The following MCF2L variants were observed in gnomAD, a reference collection of about 807,000 sequenced individuals.
MCF2L encodes the protein guanine nucleotide exchange factor DBS.
MCF2L carries 97 observed loss-of-function variants against 153.4 expected under a neutral mutation model. The ratio of observed to expected loss-of-function variants is 0.63; its 90% CI spans 0.54 to 0.75. The LOEUF is 0.75. MCF2L is among the 30% of genes least tolerant of loss of function. MCF2L has a pLI of 0.00. For missense variants in MCF2L, 1,347 were observed against 1,495.2 expected, an observed-to-expected ratio of 0.90 and a Z score of 1.64; for synonymous variants, 659 against 632.2, an observed-to-expected ratio of 1.04 and a Z score of -0.64.
intron 1 of MCF2L, chr13:112,979,886 T>C: frequency 1.3e-6 from 1 of 789,884 alleles, no homozygotes; most frequent in Non-Finnish European, 2.0e-6. Flanking sequence ...CCTGTGCAGC[T>C]CGGAGACTTC....
chr13:112,917,903 C>T (rs917222908), intron 2 of MCF2L, among the ~76,000 whole-genome samples: 9 of 152,218 alleles, frequency 5.9e-5, no homozygotes, highest in African/African-American at 2.2e-4. Context: ...TGCTCCAGGC[C>T]GGCTTGCGTC....
intron 2 of MCF2L, among the ~76,000 whole-genome samples, chr13:112,922,440 A>C (rs2081362036): frequency 6.6e-6 from 1 of 152,194 alleles, no homozygotes; most frequent in African/African-American, 2.4e-5. Context: ...CAAACCTGGC[A>C]ACATAGTACT....
At chr13:113,095,112 T>C in intron 27 of MCF2L, 2 of 1,347,228 alleles carry the variant, frequency 1.5e-6, no homozygotes, top group Non-Finnish European at 2.0e-6. Flanking sequence ...TGTAAGAAAA[T>C]GGAACTGCTA....
Position 113,074,429 on chromosome 13 carries a change from C to A in MCF2L, c.997-15C>A. ...AGGGAGACACCCCCCTGAGATGGGC[C>A]CTCCTCTGTTCCAGGTCAAAGCCAT... On this transcript the variant is annotated splice_polypyrimidine_tract_variant and intron_variant, in intron 9 of 29. Coordinates refer to ENST00000535094, the MANE Select transcript of MCF2L (RefSeq NM_001112732.3). The surrounding 1 kb of genome is among the most constrained non-coding windows in gnomAD (Gnocchi z 4.2). The A allele has an allele frequency of 1.2e-6, 2 of 1,608,906 alleles. No individual in the cohort carries two copies. The highest frequency in any genetic ancestry group is 2.2e-5 in the South Asian group (2 of 91,000).
Position 113,084,895 on chromosome 13 carries a change from G to A in MCF2L, c.2065G>A (p.Glu689Lys), listed in dbSNP as rs367816724. 1.4e-5 allele frequency: 22 copies of A among 1,613,494 alleles called. No individual in the cohort carries two copies. Among genetic ancestry groups the A allele is most frequent in the Non-Finnish European group, 1.7e-5 (20 of 1,179,600 alleles). ...CGGTGCCTGTCCCTCGGTGCAGATG[G>A]AAGATTTCCAGATCTATGAGAAGTA... Reference protein sequence around the residue: ...LVGRCFLERMEDFQIYEKYCQ... With the variant: ...LVGRCFLERMKDFQIYEKYCQ... The change falls in exon 19 of 30, where the codon GAA becomes AAA. Residue 689 changes from glutamate (E) to lysine (K), a missense_variant. Glu to Lys is a moderately conservative substitution (Grantham distance 56). Around this residue, in one of 3 missense-constraint regions of MCF2L, gnomAD observed 144 missense variants for 238.7 expected, o/e 0.60. Transcript: ENST00000535094.
rs527740325 is a variant in MCF2L, at chr13:113,001,594, G to C, written c.80-13169G>C. ...GCGGAGTGTGGGGCCCCTGCAGGGA[G>C]GGTCTAGACAAGCAACACCAGGAAC... On this transcript the variant is annotated intron_variant, in intron 1 of 29. Coordinates refer to ENST00000535094, the MANE Select transcript of MCF2L (RefSeq NM_001112732.3). 4.5e-6 allele frequency: 4 copies of C among 880,790 alleles called. No homozygotes were observed. The East Asian group carries it at 1.7e-4, about 37-fold the overall frequency. The allele number at this position is 880,790 out of a possible 1,614,324, so 54.6% of individuals were successfully genotyped here.
At chr13:113,034,363 C>T (rs1442193590) in intron 3 of MCF2L, among the ~76,000 whole-genome samples, 1 of 152,166 alleles carries the variant, frequency 6.6e-6, no homozygotes, top group Admixed American at 6.5e-5. Flanking sequence ...TCTTGAACTC[C>T]TGGGCTCAAA....
At chr13:112,917,016 C>G (rs1380742436) in intron 2 of MCF2L, 3 of 465,640 alleles carry the variant, frequency 6.4e-6, no homozygotes, top group Non-Finnish European at 1.3e-5. Flanking sequence ...GTCATCCTCC[C>G]TCATCGCCAA....
chr13:113,084,018 AAAAC>A lies in MCF2L; in HGVS notation c.2013_2016del (p.Glu671AspfsTer57). On this transcript the variant is annotated frameshift_variant, in exon 18 of 30. Coordinates refer to ENST00000535094, the MANE Select transcript of MCF2L (RefSeq NM_001112732.3). LOFTEE classifies it high-confidence loss of function. Reference sequence around the variant, plus strand: ...TCTAGGATATTCCTCAGGGAGCTGGAAAACTACACTGACTGCCCAGAACTGGTTG... The same window carrying A: ...TCTAGGATATTCCTCAGGGAGCTGGATACACTGACTGCCCAGAACTGGTTG... 6.2e-7 allele frequency: 1 copy of A among 1,613,970 alleles called. No individual in the cohort carries two copies. The highest frequency in any genetic ancestry group is 8.5e-7 in the Non-Finnish European group (1 of 1,179,830).
At chr13:112,974,595 C>A (rs1213226847) in intron 1 of MCF2L, among the ~76,000 whole-genome samples, 1 of 152,152 alleles carries the variant, frequency 6.6e-6, no homozygotes, top group Non-Finnish European at 1.5e-5. Flanking sequence ...AGGGTGCACT[C>A]CAGAATTAGA....
chr13:112,970,394 G>T (rs2081999448), intron 1 of MCF2L, among the ~76,000 whole-genome samples: 1 of 152,132 alleles, frequency 6.6e-6, no homozygotes, highest in African/African-American at 2.4e-5. Flanking sequence ...CCATCGTATG[G>T]GATGGTCTAA....
In MCF2L at chr13:112,943,316, G is replaced by A. The variant is rs537577248; in HGVS notation, c.169+40945G>A. Among the ~76,000 whole-genome samples, 3 of 152,200 alleles carry A rather than the reference G, an allele frequency of 2.0e-5. No homozygotes were observed. Among genetic ancestry groups the A allele is most frequent in the African/African-American group, 4.8e-5 (2 of 41,470 alleles). On this transcript the variant is annotated intron_variant, in intron 2 of 29. Transcript: ENST00000375608. The surrounding 1 kb of genome is among the most constrained non-coding windows in gnomAD (Gnocchi z 4.2). ...CCACTCCCGAGGCTGTGGTTGGGGGGTCGCGGTCGAGCTCTAGGGCCCCCG... is the reference window on the plus strand; with the variant it reads ...CCACTCCCGAGGCTGTGGTTGGGGGATCGCGGTCGAGCTCTAGGGCCCCCG...
At chr13:113,038,538 A>T (rs2086287131) in intron 3 of MCF2L, among the ~76,000 whole-genome samples, 1 of 152,166 alleles carries the variant, frequency 6.6e-6, no homozygotes. Flanking sequence ...ACAGATTAGA[A>T]GACAATTAGT....
chr13:112,911,753 G>C (rs1040335052), intron 2 of MCF2L, among the ~76,000 whole-genome samples: 1 of 152,260 alleles, frequency 6.6e-6, no homozygotes, highest in Non-Finnish European at 1.5e-5. Flanking sequence ...GCGCTGAGCA[G>C]CGATTTCTTC....
Position 113,045,497 on chromosome 13 carries a change from G to A in MCF2L, c.369+136G>A. 1.3e-6 allele frequency: 1 copy of A among 780,816 alleles called. No individual in the cohort carries two copies. The highest frequency in any genetic ancestry group is 2.1e-6 in the Non-Finnish European group (1 of 475,152). The allele number at this position is 780,816 out of a possible 1,614,324, so 48.4% of individuals were successfully genotyped here. A position where few individuals can be genotyped will look rare whatever the true frequency, so the allele number is the denominator to read the frequency against. ...CAGAGCCCAGTCCCGGCGGGTGGAG[G>A]CCGGCGCCAAGGCCCCCCCTGCTTG... On this transcript the variant is annotated intron_variant, in intron 4 of 29. Transcript: ENST00000535094. The surrounding 1 kb of genome is among the most constrained non-coding windows in gnomAD (Gnocchi z 4.2).
chr13:113,034,370 C>G (rs1469476550), intron 3 of MCF2L, among the ~76,000 whole-genome samples: 1 of 152,178 alleles, frequency 6.6e-6, no homozygotes, highest in Non-Finnish European at 1.5e-5. Context: ...CTCCTGGGCT[C>G]AAATGATCCA....
intron 3 of MCF2L, among the ~76,000 whole-genome samples, chr13:113,030,807 T>C (rs1278841723): frequency 6.6e-6 from 1 of 152,094 alleles, no homozygotes; most frequent in African/African-American, 2.4e-5. Context: ...TTCCAGACCC[T>C]GTATGGCCCC....
In MCF2L at chr13:113,078,430, G is replaced by A. The variant is rs2033743406; in HGVS notation, c.1728G>A (p.Arg576=). The change falls in exon 14 of 30, where the codon AGG becomes AGA. Residue 576 remains arginine (R), a synonymous_variant. Transcript: ENST00000535094. ...CGCTCCGGAGAGGGCCCTACCGGAG[G>A]GCCAAGGTGAGGCTTGCCCAAGACA... The part of the protein sequence containing the change: ...GGALRRGPYR[R]AKSEMSESRQ... The A allele has an allele frequency of 1.9e-6, 3 of 1,611,270 alleles. No individual in the cohort carries two copies. The African/African-American group carries it at 4.0e-5, about 22-fold the overall frequency.
At position 113,089,707 on chromosome 13, in the gene MCF2L, A is replaced by G. The variant is rs748560276; in HGVS notation, c.2932A>G (p.Lys978Glu). 38 of 1,613,628 alleles carry G rather than the reference A, an allele frequency of 2.4e-5. No homozygotes were observed. In the Admixed American group the frequency reaches 6.3e-4, roughly 27 times the overall value. Reference protein sequence around the residue: ...EGYVSSAPLTKPPEKGKGWSK... With the variant: ...EGYVSSAPLTEPPEKGKGWSK... ...ATACGTCAGCTCAGCGCCACTGACA[A>G]AGCCCCCCGAAAAGGGCAAAGGTGG... Residue 978 changes from lysine to glutamate, a missense_variant, in exon 26 of 30, where the codon AAG (lysine) becomes GAG (glutamate). Around this residue, in one of 3 missense-constraint regions of MCF2L, gnomAD observed 383 missense variants for 335.4 expected, o/e 1.14. Transcript: ENST00000535094.
Sources: allele counts gnomAD v4.1 joint callset (sites outside exome capture counted in the v4.1 genomes callset), GRCh38; gene constraint gnomAD v4.1.1; regional missense constraint gnomAD v4.1.1; non-coding constraint Gnocchi (gnomAD v3.1); transcripts MANE v1.5; gene names NCBI Gene and HGNC (gene_info 2026-07-23, HGNC 2026-07-21).